Variants in ERBB4 observed in about 807,000 individuals in gnomAD.
ERBB4 encodes the protein receptor tyrosine-protein kinase erbB-4.
In ERBB4, 42 loss-of-function variants were observed where a neutral mutation model predicts 158.0. The observed-to-expected ratio is 0.27, with a 90% CI of 0.21 to 0.34. The LOEUF (loss-of-function observed/expected upper bound fraction) is 0.34. ERBB4 is among the 10% of genes least tolerant of loss of function. The pLI is 1.00. For synonymous variants in ERBB4, 583 were observed against 558.7 expected (o/e 1.04, Z -0.61); for missense variants, 1,333 against 1,624.1 (o/e 0.82, Z 3.08).
intron 1 of ERBB4, among the ~76,000 whole-genome samples, chr2:212,428,859 T>G (rs867452168): frequency 3.9e-5 from 6 of 151,968 alleles, no homozygotes; most frequent in African/African-American, 1.4e-4. Context: ...GCATAACAGA[T>G]AGAGGGATAC....
intron 1 of ERBB4, among the ~76,000 whole-genome samples, chr2:212,324,229 A>G (rs960234863): frequency 3.3e-5 from 5 of 150,556 alleles, no homozygotes; most frequent in Admixed American, 3.3e-4. Context: ...AAGCCTCTAG[A>G]AAAGTAACCC....
chr2:212,345,676 T>A (rs1441663208), intron 1 of ERBB4, among the ~76,000 whole-genome samples: 1 of 152,198 alleles, frequency 6.6e-6, no homozygotes, highest in Non-Finnish European at 1.5e-5. Flanking sequence ...AAATTTGAAA[T>A]GATATACTAA....
intron 1 of ERBB4, among the ~76,000 whole-genome samples, chr2:212,293,084 A>G (rs895988448): frequency 2.6e-5 from 4 of 152,024 alleles, no homozygotes; most frequent in Non-Finnish European, 5.9e-5. Context: ...AGCTCCACAT[A>G]ATAACCTAGA....
At chr2:211,865,112 C>T (rs983294819) in intron 3 of ERBB4, among the ~76,000 whole-genome samples, 2 of 151,980 alleles carry the variant, frequency 1.3e-5, no homozygotes, top group Non-Finnish European at 2.9e-5. Flanking sequence ...TCCTTGCAGA[C>T]ATCTACTAAA....
At chr2:211,715,991 A>G (rs1014083798) in intron 7 of ERBB4, among the ~76,000 whole-genome samples, 2 of 152,222 alleles carry the variant, frequency 1.3e-5, no homozygotes, top group African/African-American at 4.8e-5. Context: ...TTTGCACCCA[A>G]ACGAGTTTCA....
intron 2 of ERBB4, chr2:211,960,819 A>T (rs965301233): frequency 2.0e-5 from 3 of 152,048 alleles, no homozygotes; most frequent in Non-Finnish European, 4.4e-5. Context: ...CCCCACCTCC[A>T]AATACCATCA....
At chr2:212,067,067 T>C (rs921810479) in intron 2 of ERBB4, among the ~76,000 whole-genome samples, 1 of 152,018 alleles carries the variant, frequency 6.6e-6, no homozygotes, top group Non-Finnish European at 1.5e-5. Flanking sequence ...TAAGGAAACA[T>C]TTTTCATTAA....
In ERBB4 at chr2:212,179,663, T is replaced by C. The variant is rs143136245; in HGVS notation, c.83-54760A>G. 2.1e-3 allele frequency among the ~76,000 whole-genome samples: 312 copies of C among 151,688 alleles called. 1 individual carries two copies. The highest frequency in any genetic ancestry group is 7.2e-3 in the African/African-American group (297 of 41,508). ...ATTTATTTTAATTTGTAAACTGCTG[T>C]TTACAAGTGCTAATATGAATGTAAC... On this transcript the variant is annotated intron_variant, in intron 1 of 27. Coordinates refer to ENST00000342788, the MANE Select transcript of ERBB4 (RefSeq NM_005235.3).
chr2:212,096,117 A>C (rs1313938540), intron 2 of ERBB4, among the ~76,000 whole-genome samples: 1 of 152,046 alleles, frequency 6.6e-6, no homozygotes, highest in East Asian at 1.9e-4. Flanking sequence ...AGTTTGAAAA[A>C]ACTTTTAATT....
intron 2 of ERBB4, among the ~76,000 whole-genome samples, chr2:212,062,069 T>C (rs977044708): frequency 1.3e-5 from 2 of 152,212 alleles, no homozygotes; most frequent in South Asian, 4.1e-4. Context: ...AAAAAATCTA[T>C]ATCTGTCAAA....
At chr2:211,474,057 T>C (rs2064895588) in intron 20 of ERBB4, among the ~76,000 whole-genome samples, 1 of 151,994 alleles carries the variant, frequency 6.6e-6, no homozygotes, top group Non-Finnish European at 1.5e-5. Flanking sequence ...TGTATATAAA[T>C]GGCCAAAAAC....
At chr2:211,772,460 A>C (rs1009638186) in intron 4 of ERBB4, among the ~76,000 whole-genome samples, 1 of 151,966 alleles carries the variant, frequency 6.6e-6, no homozygotes, top group Non-Finnish European at 1.5e-5. Flanking sequence ...GAACTGAATG[A>C]GAGGCAAAAA....
At chr2:211,471,275 C>T (rs753286577) in intron 20 of ERBB4, among the ~76,000 whole-genome samples, 4 of 152,082 alleles carry the variant, frequency 2.6e-5, no homozygotes, top group Non-Finnish European at 5.9e-5. Flanking sequence ...CAGATGATAT[C>T]ACCTGGATCA....
At position 211,913,168 on chromosome 2, in the gene ERBB4, C is replaced by A. The variant is rs540064522; in HGVS notation, c.421+34262G>T. On this transcript the variant is annotated intron_variant, in intron 3 of 27. Coordinates refer to ENST00000342788, the MANE Select transcript of ERBB4 (RefSeq NM_005235.3). ...CTCTTGTCAGTGATTTTTCAGAGAA[C>A]CTTTAGGGGGCTAAGGGCCTTGGTC... Among the ~76,000 whole-genome samples, 214 of 152,212 alleles carry A rather than the reference C, an allele frequency of 1.4e-3. 2 individuals carry two copies. The highest frequency in any genetic ancestry group is 2.3e-3 in the Non-Finnish European group (155 of 68,014).
intron 25 of ERBB4, among the ~76,000 whole-genome samples, chr2:211,413,309 A>ACACACACACAC (rs2063305291): frequency 1.1e-5 from 1 of 94,558 alleles, no homozygotes; most frequent in African/African-American, 3.8e-5. Flanking sequence ...CTGTCTTAAA[A>ACACACACACAC]ACACACACAC....
rs555123221 is a variant in ERBB4 at position 212,247,955 on chromosome 2, C to T, written c.83-123052G>A. ...CACCAGCCTGAGTGACAGAGTTAGG[C>T]CTCATCTCAAAAATAAAAAATAAAT... is the stretch of plus-strand genomic sequence containing the variant. On this transcript the variant is annotated intron_variant, in intron 1 of 27. Transcript: ENST00000342788. Among the ~76,000 whole-genome samples, 9 of 152,182 alleles carry T rather than the reference C, an allele frequency of 5.9e-5. No individual in the cohort carries two copies. In the South Asian group the frequency reaches 1.9e-3, roughly 32 times the overall value.
chr2:212,504,364 C>T (rs2106251882), intron 1 of ERBB4, among the ~76,000 whole-genome samples: 1 of 151,958 alleles, frequency 6.6e-6, no homozygotes, highest in African/African-American at 2.4e-5. Flanking sequence ...AGATTTCAGC[C>T]CCCTAAATTA....
intron 13 of ERBB4, among the ~76,000 whole-genome samples, chr2:211,675,761 A>C (rs1173644137): frequency 1.6e-5 from 2 of 129,000 alleles, no homozygotes; most frequent in East Asian, 4.2e-4. Context: ...ACATATATAT[A>C]TTTAATATAA....
intron 3 of ERBB4, among the ~76,000 whole-genome samples, chr2:211,910,026 T>A (rs2079502758): frequency 6.6e-6 from 1 of 151,410 alleles, no homozygotes; most frequent in Admixed American, 6.6e-5. Flanking sequence ...TTCAAGCAAG[T>A]TTCCTGCCTC....
Sources: gnomAD v4.1 joint callset for allele counts (sites outside exome capture counted in the v4.1 genomes callset) on GRCh38, gnomAD v4.1.1 for gene constraint, MANE v1.5 for transcripts, NCBI Gene and HGNC (gene_info 2026-07-23, HGNC 2026-07-21) for gene names.